RPAP3: variants seen among roughly 807,000 people sequenced by gnomAD.
RPAP3 encodes the protein RNA polymerase II-associated protein 3.
In RPAP3, 58 loss-of-function variants were observed where a neutral mutation model predicts 88.8. The observed-to-expected ratio is 0.65, with a 90% CI of 0.53 to 0.81. RPAP3 has a LOEUF of 0.81. Among genes scored for constraint, RPAP3 ranks in the 40% least tolerant of loss-of-function variants. The probability of loss-of-function intolerance (pLI) is 0.00; values close to 1 mark genes in which losing one functional copy is unlikely to be tolerated. For synonymous variants in RPAP3, 255 were observed against 259.9 expected (o/e 0.98, Z 0.18); for missense variants, 751 against 764.3 (o/e 0.98, Z 0.20).
Position 47,662,733 on chromosome 12 carries a change from G to C in RPAP3, c.*772C>G, listed in dbSNP as rs183480061. ...AAACGTCTGTGCTAGGTACTATGCA[G>C]AGTACAGGGATGAGCAGAGTTCTAG... On this transcript the variant is annotated 3_prime_UTR_variant, in exon 17 of 17. Coordinates refer to ENST00000005386, the MANE Select transcript of RPAP3 (RefSeq NM_024604.3). 1.3e-4 allele frequency: 20 copies of C among 152,346 alleles called. No individual in the cohort carries two copies. The highest frequency in any genetic ancestry group is 4.6e-4 in the African/African-American group (19 of 41,584). 9.4% of individuals were successfully genotyped at this position (152,346 alleles called of 1,614,324 possible). A position where few individuals can be genotyped will look rare whatever the true frequency, so the allele number is the denominator to read the frequency against.
intron 6 of RPAP3, among the ~76,000 whole-genome samples, chr12:47,689,756 A>G (rs1484347050): frequency 2.0e-5 from 3 of 152,132 alleles, no homozygotes; most frequent in African/African-American, 7.2e-5. Context: ...AAAACCAAGA[A>G]GCAGGCCGGG....
intron 5 of RPAP3, among the ~76,000 whole-genome samples, chr12:47,694,861 GC>G (rs1331085908): frequency 9.9e-5 from 15 of 152,142 alleles, no homozygotes. Flanking sequence ...CAATTAAGAA[GC>G]CCAATTATAT....
chr12:47,687,616 T>C (rs1939350355), intron 8 of RPAP3, among the ~76,000 whole-genome samples: 1 of 152,144 alleles, frequency 6.6e-6, no homozygotes, highest in Non-Finnish European at 1.5e-5. Context: ...TATAACTATG[T>C]ATATGTAAAT....
chr12:47,663,704 C>A (rs1938806345), intron 16 of RPAP3, 114 bp from the exon 17 acceptor site: 2 of 549,090 alleles, frequency 3.6e-6, no homozygotes, highest in African/African-American at 1.9e-5. Context: ...TAAAGCAATA[C>A]ATAGGTTTAT....
At chr12:47,665,630 T>TA (rs1938858091) in intron 16 of RPAP3, among the ~76,000 whole-genome samples, 1 of 133,072 alleles carries the variant, frequency 7.5e-6, no homozygotes, top group Admixed American at 7.6e-5. Context: ...TTAATATATA[T>TA]TTTTTTATTT....
chr12:47,686,545 T>TACACAC (rs59485150), intron 9 of RPAP3, among the ~76,000 whole-genome samples: 35,682 of 145,208 alleles, frequency 0.25, 4,541 homozygotes, highest in Middle Eastern at 0.33. Context: ...CACATACACA[T>TACACAC]ACACACACAC....
intron 12 of RPAP3, among the ~76,000 whole-genome samples, chr12:47,677,491 C>T (rs946949255): frequency 3.3e-5 from 5 of 152,040 alleles, no homozygotes; most frequent in African/African-American, 1.2e-4. Flanking sequence ...ATTTAGAAAA[C>T]CCCATCGTCT....
chr12:47,666,975 C>T lies in RPAP3; in HGVS notation c.1912+5G>A. 6.8e-7 allele frequency: 1 copy of T among 1,472,794 alleles called. No individual in the cohort carries two copies. Among genetic ancestry groups the T allele is most frequent in the Non-Finnish European group, 9.1e-7 (1 of 1,096,026 alleles). The allele number at this position is 1,472,794 out of a possible 1,614,324, so 91.2% of individuals were successfully genotyped here. A position where few individuals can be genotyped will look rare whatever the true frequency, so the allele number is the denominator to read the frequency against. ...TAAACATGGGAAAACTTTCATAGAA[C>T]TTACTCTTTTTCTCTGTTTCTGACA... On this transcript the variant is annotated splice_donor_5th_base_variant and intron_variant, in intron 16 of 16. Transcript: ENST00000005386.
chr12:47,704,995 AG>A (rs908010643), intron 1 of RPAP3, among the ~76,000 whole-genome samples: 62 of 150,504 alleles, frequency 4.1e-4, no homozygotes, highest in African/African-American at 1.1e-3. Flanking sequence ...AAAAAAAAGG[AG>A]GGGGGGGAAT....
rs1938781941 is a variant in RPAP3 at position 47,662,551 on chromosome 12, T to G, written c.*954A>C. On this transcript the variant is annotated 3_prime_UTR_variant, in exon 17 of 17. Coordinates refer to ENST00000005386, the MANE Select transcript of RPAP3 (RefSeq NM_024604.3). The stretch of plus-strand genomic sequence containing the variant: ...TAAAGGATGGTGTCCTAATATTTTT[T>G]AACAACTTGATAGTCTCTAAAATTA... The G allele has an allele frequency of 6.6e-6, 1 of 152,250 alleles. No individual in the cohort carries two copies. The highest frequency in any genetic ancestry group is 6.5e-5 in the Admixed American group (1 of 15,282). The allele number at this position is 152,250 out of a possible 1,614,324, so 9.4% of individuals were successfully genotyped here.
chr12:47,673,542 A>C (rs1454648577), intron 12 of RPAP3, among the ~76,000 whole-genome samples: 1 of 152,106 alleles, frequency 6.6e-6, no homozygotes, highest in Non-Finnish European at 1.5e-5. Context: ...TAACTAGTAC[A>C]AACATAGCAA....
At chr12:47,702,380 T>A (rs1201329287) in intron 2 of RPAP3, among the ~76,000 whole-genome samples, 1 of 151,324 alleles carries the variant, frequency 6.6e-6, no homozygotes, top group East Asian at 1.9e-4. Context: ...ACCCCGTCTC[T>A]ACTAAAAAAA....
intron 3 of RPAP3, chr12:47,699,588 T>C (rs372760305): frequency 3.7e-4 from 57 of 152,342 alleles, no homozygotes; most frequent in African/African-American, 1.3e-3. Flanking sequence ...GAAAACTGTT[T>C]GACAGTATTT....
chr12:47,668,333 C>T (rs754954286), intron 14 of RPAP3, among the ~76,000 whole-genome samples: 1 of 152,112 alleles, frequency 6.6e-6, no homozygotes, highest in Non-Finnish European at 1.5e-5. Flanking sequence ...ACAGAAAAAT[C>T]TTATGAGCAG....
At chr12:47,694,860 A>C (rs4768161) in intron 5 of RPAP3, among the ~76,000 whole-genome samples, 24,710 of 152,176 alleles carry the variant, frequency 0.16, 2,537 homozygotes, top group Admixed American at 0.31. Flanking sequence ...ACAATTAAGA[A>C]GCCCAATTAT....
chr12:47,670,278 C>T lies in RPAP3; in HGVS notation c.1355G>A (p.Ser452Asn), dbSNP rs746467436. 6.2e-7 allele frequency: 1 copy of T among 1,613,516 alleles called. No homozygotes were observed. Among genetic ancestry groups the T allele is most frequent in the Non-Finnish European group, 8.5e-7 (1 of 1,179,682 alleles). ...NLIQTIDVPD[S>N]TTAAAPENNP... is the part of the protein sequence containing the mutation. ...ATTCTCTGGAGCAGCAGCAGTAGTG[C>T]TATCTGGCACATCAATAGTCTGTAT... The change falls in exon 13 of 17, where the codon AGC becomes AAC. Residue 452 changes from serine to asparagine, a missense_variant. By Grantham distance (46) the Ser-to-Asn change is conservative. Coordinates refer to ENST00000005386, the MANE Select transcript of RPAP3 (RefSeq NM_024604.3).
At chr12:47,678,459 G>A (rs940181535) in intron 12 of RPAP3, among the ~76,000 whole-genome samples, 1 of 152,158 alleles carries the variant, frequency 6.6e-6, no homozygotes, top group African/African-American at 2.4e-5. Context: ...AGAGTGAACA[G>A]GCAACCTACA....
chr12:47,701,529 T>C lies in RPAP3; in HGVS notation c.229A>G (p.Arg77Gly). The change falls in exon 3 of 17, where the codon AGA (arginine) becomes GGA (glycine). Residue 77 changes from arginine to glycine, a missense_variant. Coordinates refer to ENST00000005386, the MANE Select transcript of RPAP3 (RefSeq NM_024604.3). ...GKAKESSKKT[R>G]EENTKNRIKS... ...ATCCTGTTTTTTGTGTTTTCCTCTC[T>C]GGTTTTTTTGGAAGACTCTTTAGCT... is the stretch of plus-strand genomic sequence containing the variant. The C allele has an allele frequency of 6.2e-7, 1 of 1,605,434 alleles. No individual in the cohort carries two copies. Among genetic ancestry groups the C allele is most frequent in the South Asian group, 1.1e-5 (1 of 88,940 alleles).
At chr12:47,697,191 G>A (rs149749588) in intron 4 of RPAP3, among the ~76,000 whole-genome samples, 2 of 152,316 alleles carry the variant, frequency 1.3e-5, no homozygotes, top group African/African-American at 2.4e-5. Flanking sequence ...TGATACCCGG[G>A]AGTGGAATAT....
Sources: gnomAD v4.1 joint callset for allele counts (sites outside exome capture counted in the v4.1 genomes callset) on GRCh38, gnomAD v4.1.1 for gene constraint, MANE v1.5 for transcripts, NCBI Gene and HGNC (gene_info 2026-07-23, HGNC 2026-07-21) for gene names.